The following FAT3 variants were observed in gnomAD, a reference collection of about 807,000 sequenced individuals.
FAT3 encodes the protein FAT atypical cadherin 3.
Under a neutral mutation model 310.2 loss-of-function variants are expected in FAT3, and 95 were observed. That is an observed-to-expected ratio of 0.31 (90% CI 0.26 to 0.36). The LOEUF is 0.36. Ranked by LOEUF, FAT3 falls within the 10% of genes least tolerant of loss-of-function variation. The pLI is 1.00. For synonymous variants in FAT3, 2,314 were observed against 2,192.9 expected (o/e 1.06, Z -1.54); for missense variants, 5,408 against 5,715.6 (o/e 0.95, Z 1.74).
intron 6 of FAT3, 48 bp from the exon 7 acceptor site, chr11:92,773,993 T>C: frequency 1.2e-6 from 2 of 1,604,570 alleles, no homozygotes; most frequent in Admixed American, 1.7e-5. Context: ...ATAATGCATG[T>C]AACAAGTTAT....
At chr11:92,357,183 G>A (rs939284964) in intron 2 of FAT3, among the ~76,000 whole-genome samples, 1 of 152,138 alleles carries the variant, frequency 6.6e-6, no homozygotes, top group African/African-American at 2.4e-5. Flanking sequence ...AGTTCATCGA[G>A]TACTTACAAT....
At chr11:92,407,647 A>C (rs2134898509) in intron 2 of FAT3, among the ~76,000 whole-genome samples, 1 of 152,216 alleles carries the variant, frequency 6.6e-6, no homozygotes, top group East Asian at 1.9e-4. Context: ...AGGAGAGAAA[A>C]AATTACCCAA....
chr11:92,231,589 TG>T (rs1210493665), intron 1 of FAT3, among the ~76,000 whole-genome samples: 3 of 152,158 alleles, frequency 2.0e-5, no homozygotes, highest in African/African-American at 7.2e-5. Flanking sequence ...CCAAACAATC[TG>T]AAAAAAATTG....
At chr11:92,269,556 T>C (rs1946066026) in intron 1 of FAT3, among the ~76,000 whole-genome samples, 2 of 152,180 alleles carry the variant, frequency 1.3e-5, no homozygotes, top group Non-Finnish European at 2.9e-5. Context: ...AAGAGCCTTG[T>C]AGTTTGAAGT....
In FAT3 at chr11:92,653,227, C is replaced by T. The variant is rs575274947; in HGVS notation, c.3608-44157C>T. Reference sequence around the variant, plus strand: ...AAGTGTATGTGTGTGTGCTCGCATGCGTGTGCACACGTGTGCATGTCCTTC... The same window carrying T: ...AAGTGTATGTGTGTGTGCTCGCATGTGTGTGCACACGTGTGCATGTCCTTC... On this transcript the variant is annotated intron_variant, in intron 3 of 27. Transcript: ENST00000525166. Among the ~76,000 whole-genome samples, 40 of 107,356 alleles carry T rather than the reference C, an allele frequency of 3.7e-4. No individual in the cohort carries two copies. In the East Asian group the frequency reaches 7.5e-3, roughly 20 times the overall value. The allele number at this position is 107,356 out of a possible 152,430, so 70.4% of individuals were successfully genotyped here.
At chr11:92,489,464 G>A (rs1284132143) in intron 2 of FAT3, among the ~76,000 whole-genome samples, 1 of 152,046 alleles carries the variant, frequency 6.6e-6, no homozygotes, top group Non-Finnish European at 1.5e-5. Flanking sequence ...AGATCTTATG[G>A]AGAGTCTGTT....
intron 2 of FAT3, among the ~76,000 whole-genome samples, chr11:92,480,639 C>T (rs1267639533): frequency 1.3e-5 from 2 of 152,170 alleles, no homozygotes; most frequent in Non-Finnish European, 2.9e-5. Flanking sequence ...TTCTATGATG[C>T]ATGTGGCTTT....
chr11:92,714,105 C>T (rs909736867), intron 4 of FAT3, among the ~76,000 whole-genome samples: 2 of 152,094 alleles, frequency 1.3e-5, no homozygotes, highest in African/African-American at 4.8e-5. Flanking sequence ...GCTGTGGTTT[C>T]TTTTTCTTTA....
rs546435495 is a variant in FAT3, at chr11:92,515,624, G to C, written c.3293-9010G>C. ...GAAGAGAATTTTATATTTACTGGAT[G>C]AGTGATCACTGGCAAGTTGCTTAAC... On this transcript the variant is annotated intron_variant, in intron 2 of 27. Coordinates refer to ENST00000525166, the MANE Select transcript of FAT3 (RefSeq NM_001367949.2). 1.1e-4 allele frequency among the ~76,000 whole-genome samples: 16 copies of C among 152,170 alleles called. No individual in the cohort carries two copies. The South Asian group carries it at 3.3e-3, about 32-fold the overall frequency.
intron 14 of FAT3, among the ~76,000 whole-genome samples, chr11:92,833,028 A>C (rs1948308211): frequency 6.6e-6 from 1 of 152,238 alleles, no homozygotes; most frequent in Non-Finnish European, 1.5e-5. Flanking sequence ...ATAAAGCAAC[A>C]GAATAAGAGA....
chr11:92,410,707 C>G (rs1021081425), intron 2 of FAT3, among the ~76,000 whole-genome samples: 1 of 151,822 alleles, frequency 6.6e-6, no homozygotes, highest in Admixed American at 6.6e-5. Context: ...AGTTTCTGGC[C>G]CAGACTTCAA....
At chr11:92,304,248 C>CA in intron 1 of FAT3, among the ~76,000 whole-genome samples, 1 of 152,240 alleles carries the variant, frequency 6.6e-6, no homozygotes, top group South Asian at 2.1e-4. Context: ...CCTGGGTCTG[C>CA]ATCTTACTTC....
At chr11:92,471,652 T>A (rs1180036913) in intron 2 of FAT3, among the ~76,000 whole-genome samples, 2 of 152,042 alleles carry the variant, frequency 1.3e-5, no homozygotes, top group African/African-American at 4.8e-5. Context: ...AAAGGACAGT[T>A]GAAAATGCAT....
Position 92,364,525 on chromosome 11 carries a change from A to T in FAT3, c.3292+9121A>T, listed in dbSNP as rs181401450. Among the ~76,000 whole-genome samples the T allele has an allele frequency of 3.9e-5, 6 of 152,318 alleles. No homozygotes were observed. The South Asian group carries it at 6.2e-4, about 16-fold the overall frequency. On this transcript the variant is annotated intron_variant, in intron 2 of 27. Transcript: ENST00000525166. ...TACTTTTATTTATCATTACAGTTGGAAGAATTATAGAGTTTGATAAATATT... is the reference window on the plus strand; with the variant it reads ...TACTTTTATTTATCATTACAGTTGGTAGAATTATAGAGTTTGATAAATATT...
chr11:92,253,853 C>A (rs1290152194), intron 1 of FAT3, among the ~76,000 whole-genome samples: 1 of 152,074 alleles, frequency 6.6e-6, no homozygotes, highest in African/African-American at 2.4e-5. Flanking sequence ...GGGATGAAAG[C>A]AGATTCAGAG....
At chr11:92,627,798 A>G (rs568962964) in intron 3 of FAT3, among the ~76,000 whole-genome samples, 1 of 152,206 alleles carries the variant, frequency 6.6e-6, no homozygotes, top group Non-Finnish European at 1.5e-5. Flanking sequence ...AGTGCATGCC[A>G]TTGATAAATA....
intron 7 of FAT3, among the ~76,000 whole-genome samples, chr11:92,781,196 C>A (rs1374869023): frequency 2.0e-5 from 3 of 150,970 alleles, no homozygotes; most frequent in Non-Finnish European, 4.4e-5. Flanking sequence ...TGCCCTCCTG[C>A]CTCAGGCTCC....
At position 92,779,120 on chromosome 11, in the gene FAT3, G is replaced by T. The variant is rs1565587095; in HGVS notation, c.4335+4940G>T. Among the ~76,000 whole-genome samples, 3 of 152,054 alleles carry T rather than the reference G, an allele frequency of 2.0e-5. No homozygotes were observed. In the South Asian group the frequency reaches 6.2e-4, roughly 32 times the overall value. ...TGGAAAAGAGTTGAGGAATCACAAG[G>T]AGCATTGGCTGTTATGAGCAAGGGA... On this transcript the variant is annotated intron_variant, in intron 7 of 27. Coordinates refer to ENST00000525166, the MANE Select transcript of FAT3 (RefSeq NM_001367949.2).
chr11:92,696,992 C>G (rs754752715), intron 3 of FAT3, among the ~76,000 whole-genome samples: 3 of 152,176 alleles, frequency 2.0e-5, no homozygotes, highest in Non-Finnish European at 4.4e-5. Context: ...GTTTCATAGT[C>G]TGAATCTAAT....
Sources: allele counts gnomAD v4.1 joint callset (sites outside exome capture counted in the v4.1 genomes callset), GRCh38; gene constraint gnomAD v4.1.1; transcripts MANE v1.5; gene names NCBI Gene and HGNC (gene_info 2026-07-23, HGNC 2026-07-21).